THRB: variants seen among roughly 807,000 people sequenced by gnomAD.
The protein encoded by THRB is nuclear receptor subfamily 1 group A member 2.
A neutral mutation model predicts 47.8 loss-of-function variants in THRB; 12 were observed. That is an observed-to-expected ratio of 0.25 (90% CI 0.16 to 0.41). The LOEUF (loss-of-function observed/expected upper bound fraction) is 0.41, where lower values mean the gene tolerates loss of function less well. Among genes scored for constraint, THRB ranks in the 10% least tolerant of loss-of-function variants. THRB has a pLI of 1.00. For missense variants in THRB, 348 were observed against 589.2 expected (o/e 0.59, Z 4.24); for synonymous variants, 218 against 212.2 (o/e 1.03, Z -0.24).
chr3:24,468,503 T>C (rs980104701), intron 1 of THRB, among the ~76,000 whole-genome samples: 1 of 152,218 alleles, frequency 6.6e-6, no homozygotes, highest in Admixed American at 6.5e-5. Context: ...AACTCTTCTT[T>C]TCACTTGAAC....
At chr3:24,276,231 T>G (rs951311450) in intron 3 of THRB, among the ~76,000 whole-genome samples, 5 of 152,188 alleles carry the variant, frequency 3.3e-5, no homozygotes, top group African/African-American at 4.8e-5. Context: ...TAATAATTGG[T>G]ATTCACATTG....
rs1452323589 is a variant in THRB at position 24,296,078 on chromosome 3, C to G, written c.-43+1148G>C. ...CAAATTTCCACTTAGTTTTCTCTTT[C>G]CTACATTTGCCTCTGTAACAACTCT... On this transcript the variant is annotated intron_variant, in intron 3 of 10. Transcript: ENST00000646209. 2.6e-5 allele frequency among the ~76,000 whole-genome samples: 4 copies of G among 152,070 alleles called. No homozygotes were observed. The East Asian group carries it at 7.7e-4, about 29-fold the overall frequency.
intron 2 of THRB, among the ~76,000 whole-genome samples, chr3:24,330,063 T>G (rs1338133851): frequency 6.6e-6 from 1 of 152,190 alleles, no homozygotes; most frequent in South Asian, 2.1e-4. Flanking sequence ...CCCAGCACTT[T>G]GGGAGGCCGA....
At chr3:24,133,131 G>C (rs2034125177) in intron 9 of THRB, among the ~76,000 whole-genome samples, 185 bp downstream of exon 9, 1 of 152,184 alleles carries the variant, frequency 6.6e-6, no homozygotes, top group South Asian at 2.1e-4. Flanking sequence ...GCTAATGAAT[G>C]ATGACTAAAT....
At chr3:24,454,197 C>T (rs1333416643) in intron 1 of THRB, among the ~76,000 whole-genome samples, 4 of 152,150 alleles carry the variant, frequency 2.6e-5, no homozygotes, top group Non-Finnish European at 5.9e-5. Context: ...TTTATCGATA[C>T]ATGGTATGAC....
intron 1 of THRB, among the ~76,000 whole-genome samples, chr3:24,479,539 A>G (rs938226863): frequency 6.6e-6 from 1 of 152,128 alleles, no homozygotes; most frequent in Non-Finnish European, 1.5e-5. Context: ...GTCTTAGAGA[A>G]TGAAGACAGT....
At chr3:24,228,144 A>G (rs1252577065) in intron 4 of THRB, among the ~76,000 whole-genome samples, 1 of 152,134 alleles carries the variant, frequency 6.6e-6, no homozygotes, top group South Asian at 2.1e-4. Context: ...AGAGTTCTCC[A>G]GCTTTGTTTA....
chr3:24,324,757 C>T (rs774292191), intron 2 of THRB, among the ~76,000 whole-genome samples: 1 of 152,166 alleles, frequency 6.6e-6, no homozygotes, highest in African/African-American at 2.4e-5. Flanking sequence ...TAAATGAGAA[C>T]ACTAAAGGTC....
intron 3 of THRB, among the ~76,000 whole-genome samples, chr3:24,294,034 T>C (rs1025604037): frequency 2.6e-5 from 4 of 152,360 alleles, no homozygotes; most frequent in South Asian, 2.1e-4. Context: ...TCCTTCTCAA[T>C]TGAGCTGACC....
chr3:24,238,410 G>T (rs2049135579), intron 3 of THRB, among the ~76,000 whole-genome samples: 2 of 151,494 alleles, frequency 1.3e-5, no homozygotes, highest in South Asian at 2.1e-4. Context: ...ATATAATTGT[G>T]GTTAGGTGAC....
chr3:24,176,828 T>C (rs915652874), intron 5 of THRB, among the ~76,000 whole-genome samples: 8 of 152,166 alleles, frequency 5.3e-5, no homozygotes, highest in Non-Finnish European at 8.8e-5. Context: ...TCAAAGTTTC[T>C]TTTGGGATGA....
At chr3:24,336,890 T>A (rs1262469855) in intron 2 of THRB, among the ~76,000 whole-genome samples, 1 of 151,860 alleles carries the variant, frequency 6.6e-6, no homozygotes, top group Non-Finnish European at 1.5e-5. Context: ...CCTGGCTAAT[T>A]TTTTGTATTT....
intron 1 of THRB, among the ~76,000 whole-genome samples, chr3:24,357,155 A>G (rs577894442): frequency 6.6e-5 from 10 of 151,018 alleles, no homozygotes; most frequent in African/African-American, 1.9e-4. Flanking sequence ...TGTTGGTTTT[A>G]TGTTTTTTTT....
In THRB at chr3:24,235,490, G is replaced by A. The variant is rs148689460; in HGVS notation, c.-42-6489C>T. 2.4e-3 allele frequency among the ~76,000 whole-genome samples: 372 copies of A among 152,158 alleles called. 3 individuals are homozygous for A. The highest frequency in any genetic ancestry group is 8.6e-3 in the African/African-American group (356 of 41,516). ...TTTTTCTTCTCCTTGGCTCTCTCAG[G>A]AGGAAGGGTAGCAGAGTGTCATGCA... On this transcript the variant is annotated intron_variant, in intron 3 of 10. Coordinates refer to ENST00000646209, the MANE Select transcript of THRB (RefSeq NM_001354712.2).
intron 1 of THRB, among the ~76,000 whole-genome samples, chr3:24,381,832 G>A (rs565328063): frequency 6.6e-5 from 10 of 151,974 alleles, no homozygotes; most frequent in South Asian, 6.3e-4. Context: ...AAAAGGTCTC[G>A]GGGAAGAAGC....
At chr3:24,216,561 T>C (rs1011582274) in intron 4 of THRB, among the ~76,000 whole-genome samples, 5 of 152,066 alleles carry the variant, frequency 3.3e-5, no homozygotes, top group Non-Finnish European at 7.4e-5. Flanking sequence ...TGAGCCGAGA[T>C]TGTGCCACTG....
intron 1 of THRB, among the ~76,000 whole-genome samples, chr3:24,423,638 C>A (rs1262196110): frequency 6.6e-6 from 1 of 151,786 alleles, no homozygotes; most frequent in East Asian, 1.9e-4. Flanking sequence ...GTGAAGCAGA[C>A]ATGAATATCA....
chr3:24,369,747 T>A (rs1010396594), intron 1 of THRB, among the ~76,000 whole-genome samples: 1 of 152,200 alleles, frequency 6.6e-6, no homozygotes, highest in Non-Finnish European at 1.5e-5. Flanking sequence ...TCACACAGTA[T>A]GACAAAACTG....
intron 3 of THRB, among the ~76,000 whole-genome samples, chr3:24,251,085 A>G (rs1225145729): frequency 3.3e-5 from 5 of 152,142 alleles, no homozygotes; most frequent in Non-Finnish European, 7.4e-5. Flanking sequence ...GAAGCCAAGA[A>G]AATTATCTCC....
Sources: allele counts gnomAD v4.1 joint callset (sites outside exome capture counted in the v4.1 genomes callset), GRCh38; gene constraint gnomAD v4.1.1; transcripts MANE v1.5; gene names NCBI Gene and HGNC (gene_info 2026-07-23, HGNC 2026-07-21).